Variants in MAGI2 observed in about 807,000 individuals in gnomAD.
MAGI2 encodes membrane associated guanylate kinase, WW and PDZ domain containing 2.
A neutral mutation model predicts 133.3 loss-of-function variants in MAGI2; 35 were observed. The observed-to-expected ratio is 0.26, with a 90% CI of 0.20 to 0.35. The LOEUF is 0.35. Ranked by LOEUF, MAGI2 falls within the 10% of genes least tolerant of loss-of-function variation. MAGI2 has a pLI of 1.00. For synonymous variants in MAGI2, 729 were observed against 710.6 expected, an observed-to-expected ratio of 1.03 and a Z score of -0.41; for missense variants, 1,636 against 1,863.4, an observed-to-expected ratio of 0.88 and a Z score of 2.25.
At chr7:78,178,245 A>T in intron 13 of MAGI2, 143 bp from the exon 14 acceptor site, 1 of 540,734 alleles carries the variant, frequency 1.8e-6, no homozygotes, top group Non-Finnish European at 3.3e-6. Flanking sequence ...TAGAGGATAC[A>T]AAAAATATGG....
At chr7:79,036,661 A>AT (rs5885109) in intron 1 of MAGI2, among the ~76,000 whole-genome samples, 51,560 of 151,476 alleles carry the variant, frequency 0.34, 8,874 homozygotes, top group Admixed American at 0.42. Flanking sequence ...ATTTTCAGGG[A>AT]TTTTTTTTTC....
At chr7:79,322,235 G>C (rs908923457) in intron 1 of MAGI2, among the ~76,000 whole-genome samples, 1 of 152,150 alleles carries the variant, frequency 6.6e-6, no homozygotes, top group Non-Finnish European at 1.5e-5. Context: ...GTAAGGTACA[G>C]AGAGATTACA....
At chr7:78,183,517 G>A (rs1827392830) in intron 13 of MAGI2, among the ~76,000 whole-genome samples, 1 of 151,976 alleles carries the variant, frequency 6.6e-6, no homozygotes. Context: ...GCCAGACTCG[G>A]CCTCCCAAAG....
chr7:78,767,742 TA>T (rs1191822710), intron 2 of MAGI2, among the ~76,000 whole-genome samples: 1 of 152,222 alleles, frequency 6.6e-6, no homozygotes, highest in African/African-American at 2.4e-5. Context: ...TTAATTGTTT[TA>T]TCAAGTTTTC....
intron 2 of MAGI2, among the ~76,000 whole-genome samples, chr7:78,646,454 C>T (rs916348603): frequency 1.1e-4 from 17 of 152,062 alleles, no homozygotes; most frequent in African/African-American, 3.6e-4. Flanking sequence ...GTATAATATT[C>T]GACTATGTAA....
At chr7:78,774,922 A>G (rs927109505) in intron 2 of MAGI2, among the ~76,000 whole-genome samples, 3 of 152,212 alleles carry the variant, frequency 2.0e-5, no homozygotes, top group African/African-American at 7.2e-5. Flanking sequence ...TGCAGATGCT[A>G]CATTATAATA....
chr7:78,168,373 G>A (rs1055766897), intron 14 of MAGI2, among the ~76,000 whole-genome samples: 6 of 152,150 alleles, frequency 3.9e-5, no homozygotes, highest in Non-Finnish European at 7.4e-5. Context: ...TGAGATGTTG[G>A]AAAGATGCCC....
In MAGI2 at chr7:79,035,116, A is replaced by G. The variant is rs556214559; in HGVS notation, c.302-27910T>C. Among the ~76,000 whole-genome samples the G allele has an allele frequency of 2.7e-4, 41 of 152,080 alleles. 2 individuals are homozygous for G. In the South Asian group the frequency reaches 7.9e-3, roughly 29 times the overall value. On this transcript the variant is annotated intron_variant, in intron 1 of 21. Coordinates refer to ENST00000354212, the MANE Select transcript of MAGI2 (RefSeq NM_012301.4). ...TTGAAAAGCATGAAATCCTTGCTATAAAGTATTTGTTTTGGAACATCTACT... is the reference window on the plus strand; with the variant it reads ...TTGAAAAGCATGAAATCCTTGCTATGAAGTATTTGTTTTGGAACATCTACT...
At chr7:79,192,875 G>T (rs1827792464) in intron 1 of MAGI2, among the ~76,000 whole-genome samples, 1 of 151,878 alleles carries the variant, frequency 6.6e-6, no homozygotes, top group Non-Finnish European at 1.5e-5. Context: ...AGAACAATAT[G>T]TTGGGGGAGA....
At chr7:78,926,222 T>C (rs1358350345) in intron 2 of MAGI2, among the ~76,000 whole-genome samples, 2 of 152,050 alleles carry the variant, frequency 1.3e-5, no homozygotes, top group East Asian at 3.9e-4. Flanking sequence ...TATGTTAGCC[T>C]TGAAGATCCT....
chr7:78,699,020 G>A (rs1817796128), intron 2 of MAGI2, among the ~76,000 whole-genome samples: 1 of 152,182 alleles, frequency 6.6e-6, no homozygotes, highest in Admixed American at 6.5e-5. Context: ...TTTAGAGTCA[G>A]AAATGATGGT....
chr7:79,028,247 A>ATATATATATATGTATG (rs1810134206), intron 1 of MAGI2, among the ~76,000 whole-genome samples: 1 of 46,926 alleles, frequency 2.1e-5, no homozygotes, highest in African/African-American at 8.4e-5. Flanking sequence ...ATATATATAT[A>ATATATATATATGTATG]TATATATATA....
At chr7:79,328,733 G>C (rs1319535277) in intron 1 of MAGI2, among the ~76,000 whole-genome samples, 1 of 152,088 alleles carries the variant, frequency 6.6e-6, no homozygotes, top group Non-Finnish European at 1.5e-5. Context: ...TTAATATTTA[G>C]CCAGAGTTAA....
chr7:78,336,153 T>C (rs1447214588), intron 9 of MAGI2, among the ~76,000 whole-genome samples: 1 of 152,196 alleles, frequency 6.6e-6, no homozygotes, highest in African/African-American at 2.4e-5. Flanking sequence ...ATGATAAATA[T>C]TTTGATCCTT....
intron 1 of MAGI2, among the ~76,000 whole-genome samples, chr7:79,093,567 C>A (rs1446147879): frequency 6.6e-6 from 1 of 152,048 alleles, no homozygotes; most frequent in South Asian, 2.1e-4. Context: ...ATCATCTGAG[C>A]CTTCAGCAAG....
chr7:78,588,382 G>C (rs1803638974), intron 3 of MAGI2, among the ~76,000 whole-genome samples: 1 of 152,168 alleles, frequency 6.6e-6, no homozygotes, highest in African/African-American at 2.4e-5. Flanking sequence ...AAATCATTTG[G>C]GTGATGTGAA....
chr7:78,185,497 C>T (rs1827596096), intron 13 of MAGI2, 132 bp downstream of exon 13: 1 of 566,612 alleles, frequency 1.8e-6, no homozygotes, highest in Non-Finnish European at 2.9e-6. Flanking sequence ...ACCTTGAATA[C>T]ATGTTTTATG....
intron 1 of MAGI2, among the ~76,000 whole-genome samples, chr7:79,067,652 G>C (rs567429689): frequency 6.6e-6 from 1 of 152,288 alleles, no homozygotes; most frequent in Admixed American, 6.5e-5. Context: ...TTGAACATGA[G>C]TGGTGAGAGA....
chr7:78,586,456 A>AGAC (rs1180512066), intron 3 of MAGI2, among the ~76,000 whole-genome samples: 2 of 152,000 alleles, frequency 1.3e-5, no homozygotes, highest in Non-Finnish European at 2.9e-5. Context: ...AAGAAGAAGA[A>AGAC]AAGGCTCAAA....
Sources: gnomAD v4.1 joint callset for allele counts (sites outside exome capture counted in the v4.1 genomes callset) on GRCh38, gnomAD v4.1.1 for gene constraint, MANE v1.5 for transcripts, NCBI Gene and HGNC (gene_info 2026-07-23, HGNC 2026-07-21) for gene names.